The following LYSMD2 variants were observed in gnomAD, a reference collection of about 807,000 sequenced individuals.
The protein encoded by LYSMD2 is lysM and putative peptidoglycan-binding domain-containing protein 2.
A neutral mutation model predicts 17.7 loss-of-function variants in LYSMD2; 6 were observed. That is an observed-to-expected ratio of 0.34 (90% CI 0.19 to 0.67). LYSMD2 has a LOEUF of 0.67. Among genes scored for constraint, LYSMD2 ranks in the 30% least tolerant of loss-of-function variants. The pLI, the probability that LYSMD2 is intolerant of heterozygous loss-of-function variation, is 0.69. For synonymous variants in LYSMD2, 102 were observed against 129.8 expected, an observed-to-expected ratio of 0.79 and a Z score of 1.45; for missense variants, 237 against 286.7, an observed-to-expected ratio of 0.83 and a Z score of 1.25.
chr15:51,747,127 G>A (rs1035847301), intron 1 of LYSMD2, among the ~76,000 whole-genome samples: 11 of 151,838 alleles, frequency 7.2e-5, no homozygotes, highest in Admixed American at 2.0e-4. Flanking sequence ...TTGAACCCGG[G>A]AGGCAGAGGT....
intron 1 of LYSMD2, chr15:51,751,189 C>A: frequency 1.4e-6 from 1 of 691,094 alleles, no homozygotes; most frequent in Admixed American, 2.0e-5. Context: ...ACCTCCTTCC[C>A]TCCCTAGGCT....
At chr15:51,739,516 C>A (rs1178917162), upstream of LYSMD2, among the ~76,000 whole-genome samples, 1 of 152,144 alleles carries the variant, frequency 6.6e-6, no homozygotes, top group African/African-American at 2.4e-5. Flanking sequence ...AGTATATAGA[C>A]AAGATCTGGT....
rs57897477 is a variant in LYSMD2 at position 51,750,513 on chromosome 15, A to G, written c.-1+758T>C. On this transcript the variant is annotated intron_variant, in intron 1 of 2. Transcript: ENST00000454181. ...TACATCTGTGAATGCAAATCCCACC[A>G]TCATGTGAAACACTGCATAGCAGCA... Among the ~76,000 whole-genome samples the G allele has an allele frequency of 3.6e-3, 547 of 152,364 alleles. 21 individuals are homozygous for G. The East Asian group carries it at 0.076, about 21-fold the overall frequency.
chr15:51,737,261 GT>G lies in LYSMD2; in HGVS notation c.273+88del. 7.0e-5 allele frequency: 10 copies of G among 143,054 alleles called. No homozygotes were observed. Among genetic ancestry groups the G allele is most frequent in the Non-Finnish European group, 9.5e-5 (7 of 73,752 alleles). The allele number at this position is 143,054 out of a possible 1,614,324, so 8.9% of individuals were successfully genotyped here. On this transcript the variant is annotated intron_variant, in intron 1 of 2. Coordinates refer to ENST00000267838, the MANE Select transcript of LYSMD2 (RefSeq NM_153374.3). This position sits in a 1 kb window ranked among gnomAD's most constrained non-coding sequence, Gnocchi z 4.2. ...CCCATCCCCCAAACCCCCACCCGCAGTCCCACCCCCACCCCCACCGCACCCC... is the reference window on the plus strand; with the variant it reads ...CCCATCCCCCAAACCCCCACCCGCAGCCCACCCCCACCCCCACCGCACCCC...
At chr15:51,744,627 C>G (rs1483209196) in intron 1 of LYSMD2, among the ~76,000 whole-genome samples, 2 of 152,150 alleles carry the variant, frequency 1.3e-5, no homozygotes, top group East Asian at 3.9e-4. Flanking sequence ...ATATTTTTGT[C>G]TAGTTTTGAT....
rs920828573 is a variant in LYSMD2, at chr15:51,737,400, C to G, written c.223G>C (p.Val75Leu). The change falls in exon 1 of 3, where the codon GTC (valine) becomes CTC (leucine). Residue 75 changes from valine (V) to leucine (L), a missense_variant. Coordinates refer to ENST00000267838, the MANE Select transcript of LYSMD2 (RefSeq NM_153374.3). This position sits in a 1 kb window ranked among gnomAD's most constrained non-coding sequence, Gnocchi z 4.2. The part of the protein sequence containing the change: ...GVIERHVEHR[V>L]RAGDTLQGIA... ...CCCTGCAGCGTGTCGCCCGCGCGGA[C>G]CCGGTGCTCCACATGGCGCTCGATG... is the stretch of plus-strand genomic sequence containing the variant. 2 of 1,457,360 alleles carry G rather than the reference C, an allele frequency of 1.4e-6. No individual in the cohort carries two copies. Among genetic ancestry groups the G allele is most frequent in the African/African-American group, 3.0e-5 (2 of 67,750 alleles). 90.3% of individuals were successfully genotyped at this position (1,457,360 alleles called of 1,614,324 possible).
At chr15:51,751,145 T>C in intron 1 of LYSMD2, 2 of 611,494 alleles carry the variant, frequency 3.3e-6, no homozygotes. Context: ...CCTCACGCCA[T>C]CACCCTAGAG....
chr15:51,725,897 A>G (rs555675676), intron 1 of LYSMD2, among the ~76,000 whole-genome samples: 21 of 152,330 alleles, frequency 1.4e-4, no homozygotes, highest in African/African-American at 5.1e-4. Flanking sequence ...TAAATGTTTA[A>G]AATGGGATTT....
chr15:51,737,278 ACCGCACCCCGAG>A lies in LYSMD2; in HGVS notation c.273+60_273+71del. 7.4e-6 allele frequency: 1 copy of A among 135,070 alleles called. No homozygotes were observed. The highest frequency in any genetic ancestry group is 9.3e-6 in the Non-Finnish European group (1 of 107,508). The allele number at this position is 135,070 out of a possible 1,614,324, so 8.4% of individuals were successfully genotyped here. On this transcript the variant is annotated intron_variant, in intron 1 of 2. Transcript: ENST00000267838. This position sits in a 1 kb window ranked among gnomAD's most constrained non-coding sequence, Gnocchi z 4.2. ...CACCCGCAGTCCCACCCCCACCCCC[ACCGCACCCCGAG>A]CCGCACCGCCTCCTGCGCGGTAGCT...
chr15:51,727,821 A>C (rs76355934), intron 1 of LYSMD2, among the ~76,000 whole-genome samples: 1,958 of 152,340 alleles, frequency 0.013, 24 homozygotes, highest in Non-Finnish European at 0.019. Context: ...GTAAGCATTT[A>C]AGATGTATGT....
At chr15:51,746,622 T>G (rs575237257) in intron 1 of LYSMD2, among the ~76,000 whole-genome samples, 1 of 152,278 alleles carries the variant, frequency 6.6e-6, no homozygotes, top group South Asian at 2.1e-4. Flanking sequence ...AAATATGTCT[T>G]AACAAAACTG....
At chr15:51,748,664 C>G (rs1022165457) in intron 1 of LYSMD2, among the ~76,000 whole-genome samples, 3 of 152,146 alleles carry the variant, frequency 2.0e-5, no homozygotes, top group Non-Finnish European at 2.9e-5. Flanking sequence ...TATGGCCGAC[C>G]CAGATTCATC....
chr15:51,746,210 C>A (rs2055666803), intron 1 of LYSMD2, among the ~76,000 whole-genome samples: 2 of 152,182 alleles, frequency 1.3e-5, no homozygotes, highest in Admixed American at 1.3e-4. Context: ...AAATGTCCAT[C>A]CACTGATGAA....
At chr15:51,724,768 A>G (rs552853542) in intron 2 of LYSMD2, 22 bp downstream of exon 2, 1 of 1,563,828 alleles carries the variant, frequency 6.4e-7, no homozygotes, top group South Asian at 1.2e-5. Flanking sequence ...AGACTTTGAC[A>G]TTTGTACCAG....
At chr15:51,736,973 T>C (rs2055613199) in intron 1 of LYSMD2, among the ~76,000 whole-genome samples, 1 of 152,172 alleles carries the variant, frequency 6.6e-6, no homozygotes. Flanking sequence ...TAGAGTAGTG[T>C]GATGGGGCCT....
intron 1 of LYSMD2, among the ~76,000 whole-genome samples, chr15:51,750,554 C>A (rs541925658): frequency 6.6e-6 from 1 of 152,186 alleles, no homozygotes; most frequent in Non-Finnish European, 1.5e-5. Flanking sequence ...CAAAACTCAA[C>A]GAACCTTAGA....
chr15:51,723,520 G>C lies in LYSMD2; in HGVS notation c.*87C>G. ...TTAAGATGGACACTATAGGAATCCAGAAGGGATGTTTTTGAATCTTCAGTT... is the reference window on the plus strand; with the variant it reads ...TTAAGATGGACACTATAGGAATCCACAAGGGATGTTTTTGAATCTTCAGTT... On this transcript the variant is annotated 3_prime_UTR_variant, in exon 3 of 3. Transcript: ENST00000267838. The C allele has an allele frequency of 9.3e-7, 1 of 1,080,590 alleles. No homozygotes were observed. Among genetic ancestry groups the C allele is most frequent in the East Asian group, 2.4e-5 (1 of 41,884 alleles). 66.9% of individuals were successfully genotyped at this position (1,080,590 alleles called of 1,614,324 possible).
intron 2 of LYSMD2, 89 bp downstream of exon 2, chr15:51,724,701 A>G: frequency 1.3e-6 from 1 of 780,902 alleles, no homozygotes; most frequent in Non-Finnish European, 1.8e-6. Flanking sequence ...AGAAAAGGCA[A>G]AGAAAAGAGA....
At chr15:51,750,788 C>T (rs1216494510) in intron 1 of LYSMD2, among the ~76,000 whole-genome samples, 1 of 152,150 alleles carries the variant, frequency 6.6e-6, no homozygotes, top group Non-Finnish European at 1.5e-5. Context: ...AAGAACCTGG[C>T]AGACAGAACA....
Sources: allele counts gnomAD v4.1 joint callset (sites outside exome capture counted in the v4.1 genomes callset), GRCh38; gene constraint gnomAD v4.1.1; non-coding constraint Gnocchi (gnomAD v3.1); transcripts MANE v1.5; gene names NCBI Gene and HGNC (gene_info 2026-07-23, HGNC 2026-07-21).